MYO7B: variants seen among roughly 807,000 people sequenced by gnomAD.
MYO7B encodes the protein myosin VIIB.
Under a neutral mutation model 259.7 loss-of-function variants are expected in MYO7B, and 212 were observed. The ratio of observed to expected loss-of-function variants is 0.82; its 90% CI spans 0.73 to 0.91. The LOEUF is 0.91. MYO7B is among the 40% of genes least tolerant of loss of function. The probability of loss-of-function intolerance (pLI) is 0.00; values close to 1 mark genes in which losing one functional copy is unlikely to be tolerated. For synonymous variants in MYO7B, 1,197 were observed against 1,166.4 expected, an observed-to-expected ratio of 1.03 and a Z score of -0.54; for missense variants, 2,732 against 2,813.5, an observed-to-expected ratio of 0.97 and a Z score of 0.66.
At chr2:127,560,868 C>T (rs769174476) in intron 2 of MYO7B, among the ~76,000 whole-genome samples, 3 of 152,206 alleles carry the variant, frequency 2.0e-5, no homozygotes, top group Non-Finnish European at 2.9e-5. Context: ...ACCTTCACTA[C>T]GCAGCGGCCC....
At chr2:127,548,419 CTTTT>C (rs796457298) in intron 1 of MYO7B, among the ~76,000 whole-genome samples, 1 of 136,626 alleles carries the variant, frequency 7.3e-6, no homozygotes, top group Non-Finnish European at 1.6e-5. Flanking sequence ...TTAGATTTTT[CTTTT>C]TTTTTTTTTT....
At position 127,590,181 on chromosome 2, in the gene MYO7B, G is replaced by A. The variant is rs779088683; in HGVS notation, c.1944G>A (p.Gln648=). 6.2e-7 allele frequency: 1 copy of A among 1,612,892 alleles called. No individual in the cohort carries two copies. The highest frequency in any genetic ancestry group is 1.1e-5 in the South Asian group (1 of 91,028). Residue 648 remains glutamine, a synonymous_variant, in exon 16 of 48, where the codon CAG becomes CAA. Transcript: ENST00000409816. This position sits in a 1 kb window ranked among gnomAD's most constrained non-coding sequence, Gnocchi z 4.6. Reference sequence around the variant, plus strand: ...TGATGAAAATCCTGACCAACTGCCAGCCTTACTTCATCCGCTGCATCAAAC... The same window carrying A: ...TGATGAAAATCCTGACCAACTGCCAACCTTACTTCATCCGCTGCATCAAAC... ...DQLMKILTNC[Q]PYFIRCIKPN...
chr2:127,544,221 T>G (rs1202812406), intron 1 of MYO7B, among the ~76,000 whole-genome samples: 14 of 151,682 alleles, frequency 9.2e-5, no homozygotes, highest in Admixed American at 2.6e-4. Flanking sequence ...GGACCACAGG[T>G]GCTCACCACC....
chr2:127,605,761 C>T, intron 19 of MYO7B, 83 bp from the exon 20 acceptor site: 1 of 1,192,164 alleles, frequency 8.4e-7, no homozygotes, highest in South Asian at 1.3e-5. Context: ...TAACCCTGTT[C>T]CCTTCCAAAC....
chr2:127,558,560 G>C (rs1256260716), intron 1 of MYO7B, among the ~76,000 whole-genome samples: 1 of 152,144 alleles, frequency 6.6e-6, no homozygotes, highest in Non-Finnish European at 1.5e-5. Flanking sequence ...GTTTATAGCA[G>C]CATGATTCAC....
At chr2:127,622,920 C>A (rs2566559) in intron 28 of MYO7B, among the ~76,000 whole-genome samples, 1 of 152,224 alleles carries the variant, frequency 6.6e-6, no homozygotes, top group Non-Finnish European at 1.5e-5. Flanking sequence ...GCCACTATGG[C>A]CTCAGGCTGC....
Position 127,637,380 on chromosome 2 carries a change from A to G in MYO7B, c.6392A>G (p.Gln2131Arg), listed in dbSNP as rs11686946. Reference sequence around the variant, plus strand: ...CAGCTCCTGAGTGCCATGAACAAGCAGCGGGGCTCCAAGGCCCCAGCCCTG... The same window carrying G: ...CAGCTCCTGAGTGCCATGAACAAGCGGCGGGGCTCCAAGGCCCCAGCCCTG... ...VQQLLSAMNK[Q>R]RGSKAPALAS... is the part of the protein sequence containing the mutation. The change falls in exon 48 of 48, where the codon CAG becomes CGG. Residue 2131 changes from glutamine to arginine, a missense_variant. Transcript: ENST00000409816. 0.2 allele frequency: 313,866 copies of G among 1,575,820 alleles called. 33,238 individuals are homozygous for G. The highest frequency in any genetic ancestry group is 0.36 in the South Asian group (30,601 of 85,750).
intron 1 of MYO7B, among the ~76,000 whole-genome samples, chr2:127,543,821 C>T (rs1311792750): frequency 2.0e-5 from 3 of 150,904 alleles, no homozygotes; most frequent in Admixed American, 1.3e-4. Context: ...CTTGCCTCAC[C>T]GCAAGCTCCC....
chr2:127,571,759 C>T (rs1035144964), intron 6 of MYO7B, among the ~76,000 whole-genome samples: 2 of 152,066 alleles, frequency 1.3e-5, no homozygotes, highest in Non-Finnish European at 2.9e-5. Context: ...GGATTACAGG[C>T]GTGAGCCACT....
chr2:127,607,215 G>T lies in MYO7B; in HGVS notation c.2434G>T (p.Gly812Cys). 6.5e-7 allele frequency: 1 copy of T among 1,548,802 alleles called. No homozygotes were observed. Among genetic ancestry groups the T allele is most frequent in the Non-Finnish European group, 8.7e-7 (1 of 1,146,294 alleles). ...NRRNFKLILV[G>C]FERLQAIARS... Reference sequence around the variant, plus strand: ...TCTCTTGCCTCCGCAGATCCTCGTGGGCTTTGAGCGCCTGCAGGCTATTGC... The same window carrying T: ...TCTCTTGCCTCCGCAGATCCTCGTGTGCTTTGAGCGCCTGCAGGCTATTGC... The change falls in exon 21 of 48, where the codon GGC (glycine) becomes TGC (cysteine). Residue 812 changes from glycine (G) to cysteine (C), a missense_variant. Gly to Cys is a radical substitution (Grantham distance 159). Coordinates refer to ENST00000409816, the MANE Select transcript of MYO7B (RefSeq NM_001393586.1). This position sits in a 1 kb window ranked among gnomAD's most constrained non-coding sequence, Gnocchi z 4.4.
At position 127,636,365 on chromosome 2, in the gene MYO7B, C is replaced by T. The variant is rs372426043; in HGVS notation, c.6123+41C>T. 2.8e-5 allele frequency: 44 copies of T among 1,569,040 alleles called. No homozygotes were observed. Among genetic ancestry groups the T allele is most frequent in the South Asian group, 2.1e-4 (19 of 89,930 alleles). On this transcript the variant is annotated intron_variant, in intron 45 of 47. Coordinates refer to ENST00000409816, the MANE Select transcript of MYO7B (RefSeq NM_001393586.1). The surrounding 1 kb of genome is among the most constrained non-coding windows in gnomAD (Gnocchi z 4.5). ...CGCCAGGGCCTCCTACCCAAGCAGG[C>T]TCCGCTCAGCCCAGCCCCAGCAGGC...
rs76746601 is a variant in MYO7B, at chr2:127,574,070, C to A, written c.735+8C>A. 116,226 of 1,613,738 alleles carry A rather than the reference C, an allele frequency of 0.072. 5,329 individuals carry two copies. Among genetic ancestry groups the A allele is most frequent in the South Asian group, 0.19 (17,742 of 91,076 alleles). ...TCCCGGGTCTGCCGGCAGGTGAGGC[C>A]TCCCCCTTCCCAGGTCGGGAGTTGA... On this transcript the variant is annotated splice_region_variant and intron_variant, in intron 7 of 47. Coordinates refer to ENST00000409816, the MANE Select transcript of MYO7B (RefSeq NM_001393586.1).
At chr2:127,620,789 G>A (rs1172984710) in intron 27 of MYO7B, among the ~76,000 whole-genome samples, 1 of 152,214 alleles carries the variant, frequency 6.6e-6, no homozygotes, top group African/African-American at 2.4e-5. Flanking sequence ...GTCCAGGAGT[G>A]GGCCCTGCCT....
intron 18 of MYO7B, among the ~76,000 whole-genome samples, chr2:127,594,786 C>T (rs1679699973): frequency 6.6e-6 from 1 of 152,122 alleles, no homozygotes; most frequent in South Asian, 2.1e-4. Flanking sequence ...TATTGATTTG[C>T]ATATGTTGAA....
intron 6 of MYO7B, among the ~76,000 whole-genome samples, 186 bp downstream of exon 6, chr2:127,570,096 G>A (rs1678532383): frequency 6.6e-6 from 1 of 152,194 alleles, no homozygotes; most frequent in African/African-American, 2.4e-5. Context: ...AAAGGGGAAA[G>A]ACTGAGGACT....
chr2:127,606,733 G>A (rs1417093174), intron 20 of MYO7B, among the ~76,000 whole-genome samples: 4 of 152,182 alleles, frequency 2.6e-5, no homozygotes, highest in Admixed American at 1.3e-4. Context: ...GGATGTTTGC[G>A]GCACTGACGT....
chr2:127,552,045 T>C (rs1450197163), intron 1 of MYO7B, among the ~76,000 whole-genome samples: 1 of 152,108 alleles, frequency 6.6e-6, no homozygotes, highest in East Asian at 1.9e-4. Flanking sequence ...TCAAGGGAAA[T>C]CACAGTATTC....
rs1386872519 is a variant in MYO7B at position 127,615,040 on chromosome 2, A to T, written c.3398+2437A>T. 1.3e-5 allele frequency among the ~76,000 whole-genome samples: 2 copies of T among 152,138 alleles called. No individual in the cohort carries two copies. The highest frequency in any genetic ancestry group is 3.9e-4 in the East Asian group (2 of 5,178). On this transcript the variant is annotated intron_variant, in intron 26 of 47. Transcript: ENST00000409816. This position sits in a 1 kb window ranked among gnomAD's most constrained non-coding sequence, Gnocchi z 4.4. ...AGGGCCAGGGACAGAGATGAAGAAG[A>T]CATGGCTCTGTCCTGGAGGAGCTCA...
rs1037885046 is a variant in MYO7B at position 127,609,241 on chromosome 2, G to C, written c.2815-265G>C. On this transcript the variant is annotated intron_variant, in intron 22 of 47. Transcript: ENST00000409816. The surrounding 1 kb of genome is among the most constrained non-coding windows in gnomAD (Gnocchi z 6.9). Reference sequence around the variant, plus strand: ...AGCTGCAGTGAGGATGGTGCATGCGGCAGAGGACACAGTGTCTGAGCGTGG... The same window carrying C: ...AGCTGCAGTGAGGATGGTGCATGCGCCAGAGGACACAGTGTCTGAGCGTGG... 1.3e-5 allele frequency among the ~76,000 whole-genome samples: 2 copies of C among 151,896 alleles called. No homozygotes were observed. Among genetic ancestry groups the C allele is most frequent in the Admixed American group, 6.5e-5 (1 of 15,268 alleles).
Sources: gnomAD v4.1 joint callset for allele counts (sites outside exome capture counted in the v4.1 genomes callset) on GRCh38, gnomAD v4.1.1 for gene constraint, Gnocchi (gnomAD v3.1) non-coding constraint, MANE v1.5 for transcripts, NCBI Gene and HGNC (gene_info 2026-07-23, HGNC 2026-07-21) for gene names.